Variants in C1orf159 observed in about 807,000 individuals in gnomAD.
C1orf159 encodes the protein chromosome 1 open reading frame 159, also known as uncharacterized protein C1orf159.
A neutral mutation model predicts 25.6 loss-of-function variants in C1orf159; 19 were observed. The ratio of observed to expected loss-of-function variants is 0.74; its 90% confidence interval spans 0.52 to 1.09. The LOEUF is 1.09. C1orf159 is among the 50% of genes least tolerant of loss of function. C1orf159 has a pLI of 0.00. For synonymous variants in C1orf159, 139 were observed against 124.7 expected (o/e 1.12, Z -0.77); for missense variants, 274 against 290.6 (o/e 0.94, Z 0.42).
At chr1:1,103,136 C>A (rs1206535069) in intron 1 of C1orf159, among the ~76,000 whole-genome samples, 1 of 152,226 alleles carries the variant, frequency 6.6e-6, no homozygotes, top group Non-Finnish European at 1.5e-5. Context: ...AGCCACCACG[C>A]CCAGCCAGAT....
Position 1,091,972 on chromosome 1 carries a change from G to A in C1orf159, c.-23+19C>T. ...GCCTTTGGAGGCACGGGTGGGGCGAGGTGTAGGCAGGGCCTTACCTGCCCC... is the reference window on the plus strand; with the variant it reads ...GCCTTTGGAGGCACGGGTGGGGCGAAGTGTAGGCAGGGCCTTACCTGCCCC... On this transcript the variant is annotated intron_variant, in intron 2 of 9. Transcript: ENST00000421241. 2.2e-6 allele frequency: 1 copy of A among 458,604 alleles called. No homozygotes were observed. The highest frequency in any genetic ancestry group is 4.4e-6 in the Non-Finnish European group (1 of 228,990). The allele number at this position is 458,604 out of a possible 1,614,324, so 28.4% of individuals were successfully genotyped here.
intron 8 of C1orf159, 26 bp downstream of exon 8, chr1:1,084,455 C>A: frequency 6.4e-7 from 1 of 1,570,376 alleles, no homozygotes; most frequent in Non-Finnish European, 8.6e-7. Context: ...CAGGGACGCT[C>A]AGCCCGGATG....
At chr1:1,094,192 G>A (rs1645979447) in intron 1 of C1orf159, among the ~76,000 whole-genome samples, 1 of 151,572 alleles carries the variant, frequency 6.6e-6, no homozygotes, top group South Asian at 2.1e-4. Context: ...TGACCTCCAG[G>A]GCTTACGCGA....
chr1:1,108,328 C>A (rs371337142), intron 1 of C1orf159, among the ~76,000 whole-genome samples: 1 of 136,316 alleles, frequency 7.3e-6, no homozygotes, highest in East Asian at 2.1e-4. Flanking sequence ...CATGTCTCAG[C>A]AGCACCGTCC....
chr1:1,084,032 G>A, intron 9 of C1orf159: 1 of 1,607,502 alleles, frequency 6.2e-7, no homozygotes. Context: ...AGGAGGAGCA[G>A]GTATTGGGGG....
Position 1,110,823 on chromosome 1 carries a change from A to C in C1orf159, c.-136+5237T>G, listed in dbSNP as rs1208858921. ...ACTCCTTGTGCAGCACCTCAGAGGA[A>C]GCTCAACAACAGTTCTCTGCGTGAG... is the stretch of plus-strand genomic sequence containing the variant. On this transcript the variant is annotated intron_variant, in intron 1 of 9. Transcript: ENST00000421241. The surrounding 1 kb of genome is among the most constrained non-coding windows in gnomAD (Gnocchi z 4.8). 6.6e-6 allele frequency among the ~76,000 whole-genome samples: 1 copy of C among 152,188 alleles called. No homozygotes were observed. Among genetic ancestry groups the C allele is most frequent in the East Asian group, 1.9e-4 (1 of 5,194 alleles).
chr1:1,085,673 A>G (rs1438929562), intron 7 of C1orf159, among the ~76,000 whole-genome samples: 1 of 151,910 alleles, frequency 6.6e-6, no homozygotes, highest in Non-Finnish European at 1.5e-5. Flanking sequence ...TGGTGCTTCG[A>G]CCCTTCAAAT....
intron 1 of C1orf159, among the ~76,000 whole-genome samples, chr1:1,100,621 G>A (rs201061607): frequency 6.6e-5 from 10 of 152,266 alleles, no homozygotes; most frequent in South Asian, 6.2e-4. Flanking sequence ...CGTTTTTACC[G>A]TTTATTATTT....
At position 1,082,868 on chromosome 1, in the gene C1orf159, G is replaced by T. The variant is rs890253548; in HGVS notation, c.*25C>A. 12 of 1,556,254 alleles carry T rather than the reference G, an allele frequency of 7.7e-6. No homozygotes were observed. Among genetic ancestry groups the T allele is most frequent in the Middle Eastern group, 1.7e-4 (1 of 6,002 alleles). On this transcript the variant is annotated 3_prime_UTR_variant, in exon 10 of 10. Transcript: ENST00000421241. ...GGCCTCCGGGTCCCTGCCGCCAAGTGCGTGGCGTGGTCTCGGCCTCCAGGT... is the reference window on the plus strand; with the variant it reads ...GGCCTCCGGGTCCCTGCCGCCAAGTTCGTGGCGTGGTCTCGGCCTCCAGGT...
intron 6 of C1orf159, among the ~76,000 whole-genome samples, chr1:1,086,278 G>A (rs11260588): frequency 0.06 from 9,174 of 152,338 alleles, 919 homozygotes; most frequent in African/African-American, 0.21. Context: ...TGTTGGGAGC[G>A]TTACAGGGGC....
At chr1:1,085,617 C>T (rs1012684755) in intron 7 of C1orf159, among the ~76,000 whole-genome samples, 6 of 152,334 alleles carry the variant, frequency 3.9e-5, no homozygotes, top group South Asian at 2.1e-4. Flanking sequence ...ACGCCTCTGC[C>T]GGAAGAGGGC....
Position 1,110,089 on chromosome 1 carries a change from C to T in C1orf159, c.-136+5971G>A, listed in dbSNP as rs948318748. On this transcript the variant is annotated intron_variant, in intron 1 of 9. Coordinates refer to ENST00000421241, the MANE Select transcript of C1orf159 (RefSeq NM_017891.5). The surrounding 1 kb of genome is among the most constrained non-coding windows in gnomAD (Gnocchi z 4.8). Reference sequence around the variant, plus strand: ...TTAACTGTAAGGGTGTGTGACTTAACCCCGGCCTGGCACGGCCTTAGGTCC... The same window carrying T: ...TTAACTGTAAGGGTGTGTGACTTAATCCCGGCCTGGCACGGCCTTAGGTCC... Among the ~76,000 whole-genome samples, 1 of 152,254 alleles carries T rather than the reference C, an allele frequency of 6.6e-6. No homozygotes were observed. The highest frequency in any genetic ancestry group is 2.4e-5 in the African/African-American group (1 of 41,468).
intron 9 of C1orf159, chr1:1,084,081 C>T (rs961070158): frequency 1.2e-6 from 2 of 1,604,614 alleles, no homozygotes; most frequent in South Asian, 2.2e-5. Context: ...CCTGCAGACC[C>T]CACGTCTCGG....
chr1:1,083,934 G>A (rs115613719), intron 9 of C1orf159: 22 of 1,592,300 alleles, frequency 1.4e-5, no homozygotes, highest in Non-Finnish European at 1.6e-5. Flanking sequence ...TCTTGGGTCC[G>A]CCTGACCCAG....
chr1:1,087,749 C>T lies in C1orf159; in HGVS notation c.149-152G>A. The T allele has an allele frequency of 3.1e-6, 2 of 640,374 alleles. No individual in the cohort carries two copies. The highest frequency in any genetic ancestry group is 3.8e-5 in the South Asian group (2 of 53,122). 39.7% of individuals were successfully genotyped at this position (640,374 alleles called of 1,614,324 possible). On this transcript the variant is annotated intron_variant, in intron 4 of 9. Transcript: ENST00000421241. The surrounding 1 kb of genome is among the most constrained non-coding windows in gnomAD (Gnocchi z 8.3). ...GTAGGTGGGCGGCAGACAAGGACAC[C>T]CCCAGGGAGCATGGCGGGGCCGTGA...
chr1:1,084,042 G>A (rs533587782), intron 9 of C1orf159: 5 of 1,608,438 alleles, frequency 3.1e-6, no homozygotes, highest in African/African-American at 1.3e-5. Context: ...GGTATTGGGG[G>A]TCTGCCCTGT....
rs550304024 is a variant in C1orf159 at position 1,101,051 on chromosome 1, G to A, written c.-135-8948C>T. 2.2e-4 allele frequency among the ~76,000 whole-genome samples: 33 copies of A among 152,274 alleles called. No homozygotes were observed. The Middle Eastern group carries it at 0.01, about 47-fold the overall frequency. ...TATACTATCTTCAGCATTTCCGGTA[G>A]CACAATTTGATGGTGACAAATTTTA... On this transcript the variant is annotated intron_variant, in intron 1 of 9. Coordinates refer to ENST00000421241, the MANE Select transcript of C1orf159 (RefSeq NM_017891.5).
At chr1:1,108,847 G>C (rs1180474150) in intron 1 of C1orf159, among the ~76,000 whole-genome samples, 1 of 77,896 alleles carries the variant, frequency 1.3e-5, no homozygotes, top group South Asian at 4.6e-4. Flanking sequence ...ACCATGTCTC[G>C]GCACCATCCA....
At chr1:1,114,925 C>T (rs1646313096) in intron 1 of C1orf159, 1 of 152,110 alleles carries the variant, frequency 6.6e-6, no homozygotes, top group Non-Finnish European at 1.5e-5. Context: ...GTGCGTACTG[C>T]TCGGGTGATG....
Sources: gnomAD v4.1 joint callset for allele counts (sites outside exome capture counted in the v4.1 genomes callset) on GRCh38, gnomAD v4.1.1 for gene constraint, Gnocchi (gnomAD v3.1) non-coding constraint, MANE v1.5 for transcripts, NCBI Gene and HGNC (gene_info 2026-07-23, HGNC 2026-07-21) for gene names.